The following CLU variants were observed in gnomAD, a reference collection of about 807,000 sequenced individuals.
CLU encodes the protein aging-associated protein 4.
CLU carries 25 observed loss-of-function variants against 46.4 expected under a neutral mutation model. That is an observed-to-expected ratio of 0.54 (90% CI 0.39 to 0.75). CLU has a LOEUF of 0.75. Ranked by LOEUF, CLU falls within the 30% of genes least tolerant of loss-of-function variation. CLU has a pLI of 0.00. For missense variants in CLU, 504 were observed against 592.1 expected (o/e 0.85, Z 1.54); for synonymous variants, 235 against 235.1 (o/e 1.00, Z 0.00).
In CLU at chr8:27,597,017, G is replaced by A. The variant is rs776081316; in HGVS notation, c.*1224C>T. The A allele has an allele frequency of 8.8e-5, 40 of 453,958 alleles. No homozygotes were observed. Among genetic ancestry groups the A allele is most frequent in the Non-Finnish European group, 1.6e-4 (36 of 226,794 alleles). The allele number at this position is 453,958 out of a possible 1,614,324, so 28.1% of individuals were successfully genotyped here. A position where few individuals can be genotyped will look rare whatever the true frequency, so the allele number is the denominator to read the frequency against. ...CTCTGACCCCATAATTCTAATTAAT[G>A]TATATCATTAAGTGAATCACACTGA... On this transcript the variant is annotated 3_prime_UTR_variant, in exon 9 of 9. Coordinates refer to ENST00000316403, the MANE Select transcript of CLU (RefSeq NM_001831.4).
chr8:27,598,763 C>T, intron 7 of CLU, 128 bp from the exon 8 acceptor site: 2 of 861,766 alleles, frequency 2.3e-6, no homozygotes, highest in Non-Finnish European at 3.8e-6. Flanking sequence ...AGAGCTGACC[C>T]CATGCTTCTT....
intron 3 of CLU, among the ~76,000 whole-genome samples, chr8:27,608,299 T>C (rs925741951): frequency 6.6e-6 from 1 of 152,276 alleles, no homozygotes; most frequent in African/African-American, 2.4e-5. Context: ...GAAATGCTTT[T>C]AACATGCACG....
chr8:27,607,006 C>CT (rs1800834270), intron 3 of CLU, among the ~76,000 whole-genome samples: 4 of 152,226 alleles, frequency 2.6e-5, no homozygotes, highest in Admixed American at 2.6e-4. Flanking sequence ...TCAAAATTCT[C>CT]TAACGGGCCC....
chr8:27,608,857 AG>A, intron 3 of CLU, 80 bp downstream of exon 3: 5 of 1,513,892 alleles, frequency 3.3e-6, no homozygotes, highest in Non-Finnish European at 4.6e-6. Flanking sequence ...ATGGCAACCC[AG>A]CAGGGCACCG....
In CLU at chr8:27,598,780, C is replaced by T. The variant is rs1585250288; in HGVS notation, c.1165-145G>A. 2.1e-5 allele frequency: 16 copies of T among 761,458 alleles called. No individual in the cohort carries two copies. The East Asian group carries it at 4.2e-4, about 20-fold the overall frequency. The allele number at this position is 761,458 out of a possible 1,614,324, so 47.2% of individuals were successfully genotyped here. On this transcript the variant is annotated intron_variant, in intron 7 of 8. Transcript: ENST00000316403. ...AGCTGACCCCATGCTTCTTATACAT[C>T]TAGACGTAAGTACAGCTCAGTGGAC...
chr8:27,603,688 T>A (rs1800761806), intron 6 of CLU, among the ~76,000 whole-genome samples: 1 of 152,186 alleles, frequency 6.6e-6, no homozygotes, highest in Non-Finnish European at 1.5e-5. Flanking sequence ...GACCCGTGAC[T>A]TCTGTGGCCA....
At chr8:27,606,194 C>G (rs1263060694) in intron 4 of CLU, among the ~76,000 whole-genome samples, 160 bp downstream of exon 4, 1 of 152,250 alleles carries the variant, frequency 6.6e-6, no homozygotes, top group African/African-American at 2.4e-5. Context: ...GATGACTCCA[C>G]TCTCTCTACT....
At chr8:27,604,256 A>T (rs200376447) in intron 6 of CLU, 35 bp downstream of exon 6, 1 of 765,898 alleles carries the variant, frequency 1.3e-6, no homozygotes, top group Non-Finnish European at 1.8e-6. Context: ...ACAAGGGATC[A>T]GGGGGGACGG....
chr8:27,598,283 A>T, intron 8 of CLU, 33 bp from the exon 9 acceptor site: 1 of 1,613,142 alleles, frequency 6.2e-7, no homozygotes, highest in South Asian at 1.1e-5. Flanking sequence ...TCCAAAGTAA[A>T]ACATCCTCCA....
intron 6 of CLU, among the ~76,000 whole-genome samples, chr8:27,601,625 G>A (rs1410428409): frequency 2.0e-5 from 3 of 152,188 alleles, no homozygotes; most frequent in Non-Finnish European, 4.4e-5. Flanking sequence ...ATATCCAGAG[G>A]CAGGTACATC....
rs776955284 is a variant in CLU at position 27,605,172 on chromosome 8, C to A, written c.581G>T (p.Arg194Met). The change falls in exon 5 of 9, where the codon AGG becomes ATG. Residue 194 changes from arginine to methionine, a missense_variant. By Grantham distance (91) the Arg-to-Met change is moderately conservative (BLOSUM62 -1). Coordinates refer to ENST00000316403, the MANE Select transcript of CLU (RefSeq NM_001831.4). ...ATCCTGGGGCTCCCGGGTGAAGAAC[C>A]TGTCCTGGAAGAGCTCGTCTATGAT... ...SSIIDELFQD[R>M]FFTREPQDTY... 2.5e-6 allele frequency: 4 copies of A among 1,614,102 alleles called. No individual in the cohort carries two copies. The highest frequency in any genetic ancestry group is 3.4e-6 in the Non-Finnish European group (4 of 1,180,048).
chr8:27,611,540 C>T (rs1017073096), intron 1 of CLU: 2 of 457,492 alleles, frequency 4.4e-6, no homozygotes, highest in Admixed American at 4.7e-5. Context: ...AAAACAGAAA[C>T]CCCTCCCCCT....
In CLU at chr8:27,599,720, C is replaced by T. The variant is rs1800681674; in HGVS notation, c.1164+60G>A. 1 of 1,276,632 alleles carries T rather than the reference C, an allele frequency of 7.8e-7. No individual in the cohort carries two copies. The highest frequency in any genetic ancestry group is 1.5e-5 in the African/African-American group (1 of 67,662). The allele number at this position is 1,276,632 out of a possible 1,614,324, so 79.1% of individuals were successfully genotyped here. ...ATGCTCAGTCAAAAGCACACATGCC[C>T]CTGCTCCCGATCACAGCTCGGGCTC... On this transcript the variant is annotated intron_variant, in intron 7 of 8. Coordinates refer to ENST00000316403, the MANE Select transcript of CLU (RefSeq NM_001831.4). This position sits in a 1 kb window ranked among gnomAD's most constrained non-coding sequence, Gnocchi z 4.0.
intron 6 of CLU, among the ~76,000 whole-genome samples, chr8:27,602,582 TAGAG>T (rs1397963488): frequency 9.2e-5 from 13 of 141,660 alleles, no homozygotes; most frequent in Admixed American, 2.2e-4. Context: ...GGCTGGGTGA[TAGAG>T]AGAGACCCTG....
At chr8:27,601,350 C>T (rs544602359) in intron 6 of CLU, among the ~76,000 whole-genome samples, 1 of 152,282 alleles carries the variant, frequency 6.6e-6, no homozygotes, top group East Asian at 1.9e-4. Flanking sequence ...GCACCCGGTC[C>T]AAACTTGTCT....
At position 27,598,168 on chromosome 8, in the gene CLU, T is replaced by TG. The variant is rs899980237; in HGVS notation, c.*72dup. ...ACTTGGTGACGTGCAGAGCTCTCTC[T>TG]GGGGGGCTGCAGCTCATCTTGGGGG... On this transcript the variant is annotated 3_prime_UTR_variant, in exon 9 of 9. Coordinates refer to ENST00000316403, the MANE Select transcript of CLU (RefSeq NM_001831.4). The TG allele has an allele frequency of 2.1e-5, 33 of 1,535,152 alleles. No homozygotes were observed. In the East Asian group the frequency reaches 5.6e-4, roughly 26 times the overall value.
intron 1 of CLU, chr8:27,611,601 C>A: frequency 2.2e-6 from 1 of 457,842 alleles, no homozygotes; most frequent in Non-Finnish European, 4.4e-6. Context: ...CTGAGCTCAC[C>A]CATTTGCCAT....
At chr8:27,601,880 C>T (rs529595110) in intron 6 of CLU, among the ~76,000 whole-genome samples, 4 of 152,062 alleles carry the variant, frequency 2.6e-5, no homozygotes, top group Non-Finnish European at 5.9e-5. Context: ...CACTTGAGGT[C>T]AAGAGTTTGA....
Position 27,609,811 on chromosome 8 carries a change from T to C in CLU, c.97+664A>G, listed in dbSNP as rs545634648. On this transcript the variant is annotated intron_variant, in intron 2 of 8. Coordinates refer to ENST00000316403, the MANE Select transcript of CLU (RefSeq NM_001831.4). ...GTGGTGCTTATAGTTAATAACACCA[T>C]ATCATAACTGGAAATTTGCTAAGAA... Among the ~76,000 whole-genome samples the C allele has an allele frequency of 5.7e-4, 87 of 152,192 alleles. 1 individual carries two copies. The highest frequency in any genetic ancestry group is 9.3e-4 in the Non-Finnish European group (63 of 68,030).
Sources: gnomAD v4.1 joint callset for allele counts (sites outside exome capture counted in the v4.1 genomes callset) on GRCh38, gnomAD v4.1.1 for gene constraint, Gnocchi (gnomAD v3.1) non-coding constraint, MANE v1.5 for transcripts, NCBI Gene and HGNC (gene_info 2026-07-23, HGNC 2026-07-21) for gene names.